CSMD1: variants seen among roughly 807,000 people sequenced by gnomAD.
CSMD1 encodes CUB and sushi domain-containing protein 1.
A neutral mutation model predicts 417.5 loss-of-function variants in CSMD1; 213 were observed. The observed-to-expected ratio is 0.51, with a 90% CI of 0.46 to 0.57. The LOEUF (loss-of-function observed/expected upper bound fraction) is 0.57. Among genes scored for constraint, CSMD1 ranks in the 20% least tolerant of loss-of-function variants. The probability of loss-of-function intolerance (pLI) is 0.00; values close to 1 mark genes in which losing one functional copy is unlikely to be tolerated. For missense variants in CSMD1, 6,923 were observed against 4,529.7 expected (o/e 1.53, Z -15.17); for synonymous variants, 2,862 against 1,736.8 (o/e 1.65, Z -16.11).
chr8:4,383,049 T>G (rs1803207113), intron 3 of CSMD1, among the ~76,000 whole-genome samples: 1 of 152,182 alleles, frequency 6.6e-6, no homozygotes, highest in Admixed American at 6.5e-5. Flanking sequence ...TCTGTCAGCA[T>G]TAGGATTCGG....
intron 49 of CSMD1, among the ~76,000 whole-genome samples, chr8:3,056,620 T>C (rs1812244319): frequency 6.6e-6 from 1 of 152,134 alleles, no homozygotes; most frequent in African/African-American, 2.4e-5. Flanking sequence ...TCCTCCTGCC[T>C]CAGCCTCCCA....
chr8:3,841,804 C>T (rs529347663), intron 5 of CSMD1, among the ~76,000 whole-genome samples: 3 of 151,312 alleles, frequency 2.0e-5, no homozygotes, highest in Non-Finnish European at 4.4e-5. Flanking sequence ...GCAAATCAGC[C>T]CATGATCTGT....
intron 3 of CSMD1, among the ~76,000 whole-genome samples, chr8:4,033,743 G>A (rs868300265): frequency 6.6e-6 from 1 of 151,996 alleles, no homozygotes; most frequent in African/African-American, 2.4e-5. Flanking sequence ...TCAATAATGG[G>A]GTATTGATTC....
chr8:4,948,718 T>G (rs977714046), intron 1 of CSMD1, among the ~76,000 whole-genome samples: 2 of 152,130 alleles, frequency 1.3e-5, no homozygotes, highest in African/African-American at 4.8e-5. Flanking sequence ...ATTTTCTATG[T>G]AGGCATCTGT....
At chr8:3,462,124 C>G (rs896408988) in intron 12 of CSMD1, among the ~76,000 whole-genome samples, 1 of 14,078 alleles carries the variant, frequency 7.1e-5, no homozygotes, top group African/African-American at 7.1e-4. Flanking sequence ...GAATCCAGGC[C>G]CCCCCCCCCA....
At chr8:3,788,215 G>A (rs1026429500) in intron 5 of CSMD1, among the ~76,000 whole-genome samples, 1 of 152,176 alleles carries the variant, frequency 6.6e-6, no homozygotes, top group African/African-American at 2.4e-5. Context: ...TTGGATCACA[G>A]GATTTAACAG....
intron 3 of CSMD1, among the ~76,000 whole-genome samples, chr8:4,251,904 G>A (rs1156260956): frequency 6.6e-6 from 1 of 150,586 alleles, no homozygotes; most frequent in African/African-American, 2.4e-5. Context: ...GGAGGGGAGG[G>A]GAGGATAATG....
chr8:4,328,431 T>G (rs914465518), intron 3 of CSMD1, among the ~76,000 whole-genome samples: 2 of 151,960 alleles, frequency 1.3e-5, no homozygotes, highest in East Asian at 1.9e-4. Context: ...ATTTCTTAAT[T>G]TATACAAATT....
At chr8:4,202,120 G>A (rs710259) in intron 3 of CSMD1, among the ~76,000 whole-genome samples, 119,307 of 151,842 alleles carry the variant, frequency 0.79, 47,627 homozygotes, top group South Asian at 0.88. Context: ...TTTTTTTCTA[G>A]AGAAAACATC....
At chr8:3,619,613 T>A (rs1335938965) in intron 7 of CSMD1, among the ~76,000 whole-genome samples, 1 of 152,072 alleles carries the variant, frequency 6.6e-6, no homozygotes, top group Non-Finnish European at 1.5e-5. Context: ...GAACACCTAG[T>A]AGGATAAACA....
intron 1 of CSMD1, among the ~76,000 whole-genome samples, chr8:4,907,160 T>C (rs555827807): frequency 4.5e-4 from 68 of 152,246 alleles, no homozygotes; most frequent in Non-Finnish European, 8.5e-4. Flanking sequence ...ATATTCTTAC[T>C]TAAATCACTT....
chr8:3,998,762 G>C (rs1056960771), intron 4 of CSMD1, among the ~76,000 whole-genome samples: 2 of 151,840 alleles, frequency 1.3e-5, no homozygotes, highest in Non-Finnish European at 2.9e-5. Flanking sequence ...AAAATTATTG[G>C]TTAGAAAGGA....
At chr8:4,630,265 TACACACACACACACACACACAC>T (rs57214957) in intron 2 of CSMD1, among the ~76,000 whole-genome samples, 65,616 of 149,034 alleles carry the variant, frequency 0.44, 15,013 homozygotes, top group Admixed American at 0.62. Context: ...ACACAGCAAA[TACACACACACACACACACACAC>T]ACACACACAC....
At chr8:4,671,396 A>G (rs1044483702) in intron 1 of CSMD1, among the ~76,000 whole-genome samples, 1 of 152,182 alleles carries the variant, frequency 6.6e-6, no homozygotes, top group African/African-American at 2.4e-5. Flanking sequence ...TGTGTAATCA[A>G]CTAGAAACTC....
chr8:4,380,581 T>G (rs1258711284), intron 3 of CSMD1, among the ~76,000 whole-genome samples: 2 of 152,168 alleles, frequency 1.3e-5, no homozygotes, highest in Non-Finnish European at 2.9e-5. Context: ...GTGGATGGAA[T>G]GAGAACATTA....
At chr8:4,350,185 T>G (rs1180228302) in intron 3 of CSMD1, among the ~76,000 whole-genome samples, 1 of 152,100 alleles carries the variant, frequency 6.6e-6, no homozygotes, top group Non-Finnish European at 1.5e-5. Context: ...CTTCTCTTCT[T>G]TTTGCTGTAC....
chr8:3,729,517 C>T (rs1292999976), intron 6 of CSMD1, among the ~76,000 whole-genome samples: 1 of 152,154 alleles, frequency 6.6e-6, no homozygotes, highest in African/African-American at 2.4e-5. Flanking sequence ...GACTGTGGAA[C>T]CTGCCCAAGA....
chr8:4,127,650 C>T (rs1306680898), intron 3 of CSMD1, among the ~76,000 whole-genome samples: 1 of 152,080 alleles, frequency 6.6e-6, no homozygotes, highest in East Asian at 1.9e-4. Flanking sequence ...ACCACTCACC[C>T]CCTTTACTTA....
intron 18 of CSMD1, chr8:3,375,007 G>A (rs941018168): frequency 6.6e-6 from 1 of 152,208 alleles, no homozygotes; most frequent in Non-Finnish European, 1.5e-5. Flanking sequence ...CTCCGTGTTA[G>A]AGACGGCAGT....
Sources: gnomAD v4.1 joint callset for allele counts (sites outside exome capture counted in the v4.1 genomes callset) on GRCh38, gnomAD v4.1.1 for gene constraint, MANE v1.5 for transcripts, NCBI Gene and HGNC (gene_info 2026-07-23, HGNC 2026-07-21) for gene names.